The following POLDIP2 variants were observed in gnomAD, a reference collection of about 807,000 sequenced individuals.
POLDIP2 encodes the protein polymerase delta-interacting protein 2.
POLDIP2 carries 32 observed loss-of-function variants against 52.9 expected under a neutral mutation model. The ratio of observed to expected loss-of-function variants is 0.61; its 90% CI spans 0.46 to 0.81. The LOEUF (loss-of-function observed/expected upper bound fraction) is 0.81, where lower values mean the gene tolerates loss of function less well. Ranked by LOEUF, POLDIP2 falls within the 40% of genes least tolerant of loss-of-function variation. POLDIP2 has a pLI of 0.00. For missense variants in POLDIP2, 371 were observed against 477.3 expected (o/e 0.78, Z 2.07); for synonymous variants, 183 against 183.0 (o/e 1.00, Z 0.00).
intron 7 of POLDIP2, 38 bp downstream of exon 7, chr17:28,351,626 C>G: frequency 6.2e-7 from 1 of 1,600,926 alleles, no homozygotes; most frequent in African/African-American, 1.3e-5. Flanking sequence ...CACCTTGGGG[C>G]CTACCCCTGC....
At chr17:28,354,223 G>A (rs1555580529) in intron 3 of POLDIP2, among the ~76,000 whole-genome samples, 3 of 152,144 alleles carry the variant, frequency 2.0e-5, no homozygotes, top group Non-Finnish European at 4.4e-5. Flanking sequence ...AAGAAGACTT[G>A]TCCCCCAAAT....
chr17:28,351,188 A>G (rs1215257814), intron 7 of POLDIP2, among the ~76,000 whole-genome samples: 1 of 152,108 alleles, frequency 6.6e-6, no homozygotes, highest in African/African-American at 2.4e-5. Context: ...CCACTACTAT[A>G]AGGTCCTGGA....
At chr17:28,352,237 CTTTTTTTT>C (rs782311219) in intron 6 of POLDIP2, among the ~76,000 whole-genome samples, 3 of 87,682 alleles carry the variant, frequency 3.4e-5, no homozygotes, top group African/African-American at 1.5e-4. Context: ...GGAATTATTT[CTTTTTTTT>C]TTTTTTTTTT....
Position 28,354,506 on chromosome 17 carries a change from G to A in POLDIP2, c.323C>T (p.Ala108Val). Residue 108 changes from alanine (A) to valine (V), a missense_variant, in exon 3 of 11, where the codon GCT becomes GTT. Physicochemically the swap from Ala to Val is moderately conservative, Grantham distance 64 (BLOSUM62 0). Transcript: ENST00000540200. ...WQARLYDRDV[A>V]SAAPEKAENP... Reference sequence around the variant, plus strand: ...AACTTACTTTTCTGGAGCTGCAGAAGCCACATCCCGGTCATACAGTCTGGC... The same window carrying A: ...AACTTACTTTTCTGGAGCTGCAGAAACCACATCCCGGTCATACAGTCTGGC... 2 of 1,557,252 alleles carry A rather than the reference G, an allele frequency of 1.3e-6. No homozygotes were observed. Among genetic ancestry groups the A allele is most frequent in the South Asian group, 1.2e-5 (1 of 84,326 alleles).
intron 9 of POLDIP2, among the ~76,000 whole-genome samples, chr17:28,350,056 A>G (rs1443467594): frequency 6.6e-6 from 1 of 152,184 alleles, no homozygotes; most frequent in East Asian, 1.9e-4. Flanking sequence ...TAAAGGGGCA[A>G]AGAGGCAAGA....
intron 4 of POLDIP2, 62 bp downstream of exon 4, chr17:28,353,633 C>G: frequency 8.6e-7 from 1 of 1,169,170 alleles, no homozygotes; most frequent in Non-Finnish European, 1.3e-6. Context: ...CCCTTTGTCC[C>G]CATTGGGATG....
intron 1 of POLDIP2, 27 bp downstream of exon 1, chr17:28,357,261 C>T: frequency 6.4e-7 from 1 of 1,555,278 alleles, no homozygotes; most frequent in Non-Finnish European, 8.6e-7. Flanking sequence ...GGCCCAGTTC[C>T]TCGCGCCCCC....
chr17:28,356,004 G>T, intron 1 of POLDIP2, 128 bp from the exon 2 acceptor site: 1 of 679,106 alleles, frequency 1.5e-6, no homozygotes, highest in Non-Finnish European at 2.6e-6. Context: ...GGGGTAGTGG[G>T]ACCAGCTGGA....
At chr17:28,353,207 C>G (rs1907876859) in intron 5 of POLDIP2, 34 bp downstream of exon 5, 7 of 1,093,190 alleles carry the variant, frequency 6.4e-6, no homozygotes, top group Non-Finnish European at 9.8e-6. Context: ...CAGACTCCTT[C>G]TTGACGGGCA....
intron 9 of POLDIP2, among the ~76,000 whole-genome samples, chr17:28,349,647 G>A (rs1555579592): frequency 6.9e-6 from 1 of 143,932 alleles, no homozygotes; most frequent in Non-Finnish European, 1.5e-5. Context: ...AGGACCTCCT[G>A]TGGAGATATC....
chr17:28,352,340 C>G (rs1298640378), intron 6 of POLDIP2, among the ~76,000 whole-genome samples: 4 of 150,002 alleles, frequency 2.7e-5, no homozygotes, highest in Non-Finnish European at 4.4e-5. Flanking sequence ...CGGGTTCAAG[C>G]AATTCTTCAG....
Position 28,349,096 on chromosome 17 carries a change from T to G in POLDIP2, c.979A>C (p.Ser327Arg). ...ACACTCACTCACCACATGTGCCCAC[T>G]GGAAGCCTGCAGCGAGACGTGGCTG... ...YSSHVSLQAS[S>R]GHMWGTFRFE... Residue 327 changes from serine to arginine, a missense_variant, in exon 10 of 11, where the codon AGT becomes CGT. Coordinates refer to ENST00000540200, the MANE Select transcript of POLDIP2 (RefSeq NM_015584.5). 1 of 1,612,684 alleles carries G rather than the reference T, an allele frequency of 6.2e-7. No homozygotes were observed. Among genetic ancestry groups the G allele is most frequent in the Non-Finnish European group, 8.5e-7 (1 of 1,178,982 alleles).
Position 28,348,110 on chromosome 17 carries a change from A to G in POLDIP2, c.*7T>C, listed in dbSNP as rs1489017711. 1.3e-6 allele frequency: 2 copies of G among 1,560,468 alleles called. No individual in the cohort carries two copies. Among genetic ancestry groups the G allele is most frequent in the Admixed American group, 1.7e-5 (1 of 59,928 alleles). ...ACCAAGCCTGGGCACTTGGGGCCTC[A>G]GCTGGCCTACCAGTGAAGGCCTGAG... On this transcript the variant is annotated 3_prime_UTR_variant, in exon 11 of 11. Coordinates refer to ENST00000540200, the MANE Select transcript of POLDIP2 (RefSeq NM_015584.5).
At chr17:28,355,994 G>C in intron 1 of POLDIP2, 118 bp from the exon 2 acceptor site, 1 of 723,640 alleles carries the variant, frequency 1.4e-6, no homozygotes, top group Non-Finnish European at 2.4e-6. Context: ...AGAAGGGTTT[G>C]GGGTAGTGGG....
Position 28,350,445 on chromosome 17 carries a change from A to G in POLDIP2, c.905T>C (p.Val302Ala). 6.2e-7 allele frequency: 1 copy of G among 1,609,586 alleles called. No individual in the cohort carries two copies. Among genetic ancestry groups the G allele is most frequent in the Non-Finnish European group, 8.5e-7 (1 of 1,178,036 alleles). The change falls in exon 9 of 11, where the codon GTG becomes GCG. Residue 302 changes from valine (V) to alanine (A), a missense_variant. Coordinates refer to ENST00000540200, the MANE Select transcript of POLDIP2 (RefSeq NM_015584.5). Reference protein sequence around the residue: ...TLETVRGRGVVGREPVLSKEQ... With the variant: ...TLETVRGRGVAGREPVLSKEQ... ...TAGACCAAGGATGCTCACCCTGCCC[A>G]CTACCCCTCGGCCTCGCACTGTCTC...
chr17:28,348,200 A>G lies in POLDIP2; in HGVS notation c.1024T>C (p.Ser342Pro), dbSNP rs782408357. 32 of 1,613,846 alleles carry G rather than the reference A, an allele frequency of 2.0e-5. No individual in the cohort carries two copies. Among genetic ancestry groups the G allele is most frequent in the Non-Finnish European group, 2.6e-5 (31 of 1,179,738 alleles). The change falls in exon 11 of 11, where the codon TCC becomes CCC. Residue 342 changes from serine (S) to proline (P), a missense_variant. Transcript: ENST00000540200. ...GTFRFERPDG[S>P]HFDVRIPPFS... is the part of the protein sequence containing the mutation. Reference sequence around the variant, plus strand: ...GGAGGAATCCGAACATCAAAGTGGGAGCCATCAGGTCTTTCAAAGCGGAAC... The same window carrying G: ...GGAGGAATCCGAACATCAAAGTGGGGGCCATCAGGTCTTTCAAAGCGGAAC...
chr17:28,355,133 T>C (rs1555580656), intron 2 of POLDIP2, among the ~76,000 whole-genome samples: 1 of 152,158 alleles, frequency 6.6e-6, no homozygotes. Flanking sequence ...GCATCAAAGG[T>C]ATACTTTTCT....
intron 4 of POLDIP2, 108 bp downstream of exon 4, chr17:28,353,587 C>A: frequency 1.3e-6 from 1 of 761,476 alleles, no homozygotes; most frequent in Non-Finnish European, 2.3e-6. Context: ...CCTTGGGGAC[C>A]AAGACTGACC....
chr17:28,354,206 A>G (rs1555580525), intron 3 of POLDIP2, among the ~76,000 whole-genome samples: 4 of 152,212 alleles, frequency 2.6e-5, no homozygotes, highest in Non-Finnish European at 5.9e-5. Flanking sequence ...CTGAACATCA[A>G]GAAATCAAGA....
Sources: allele counts gnomAD v4.1 joint callset (sites outside exome capture counted in the v4.1 genomes callset), GRCh38; gene constraint gnomAD v4.1.1; transcripts MANE v1.5; gene names NCBI Gene and HGNC (gene_info 2026-07-23, HGNC 2026-07-21).